SPINK6: variants seen among roughly 807,000 people sequenced by gnomAD.
The protein encoded by SPINK6 is serine peptidase inhibitor Kazal type 6.
Under a neutral mutation model 11.7 loss-of-function variants are expected in SPINK6, and 13 were observed. The ratio of observed to expected loss-of-function variants is 1.11; its 90% CI spans 0.72 to 1.76. The LOEUF (loss-of-function observed/expected upper bound fraction) is 1.76. Among genes scored for constraint, SPINK6 ranks in the 40% most tolerant of loss-of-function variants. The probability of loss-of-function intolerance (pLI) is 0.00; values close to 1 mark genes in which losing one functional copy is unlikely to be tolerated. For missense variants in SPINK6, 98 were observed against 93.7 expected (o/e 1.05, Z -0.19); for synonymous variants, 21 against 31.9 (o/e 0.66, Z 1.15).
chr5:148,206,937 T>C (rs1755506872), intron 2 of SPINK6, among the ~76,000 whole-genome samples: 1 of 152,166 alleles, frequency 6.6e-6, no homozygotes, highest in South Asian at 2.1e-4. Context: ...AACCCTGATA[T>C]ACCCACTGCA....
At chr5:148,209,993 T>TACGTATGTATGTATACATAC (rs1561732175) in intron 2 of SPINK6, among the ~76,000 whole-genome samples, 1 of 72,064 alleles carries the variant, frequency 1.4e-5, no homozygotes, top group African/African-American at 3.5e-5. Flanking sequence ...TGTATACATA[T>TACGTATGTATGTATACATAC]ACACGTATGT....
At position 148,203,067 on chromosome 5, in the gene SPINK6, A is replaced by T; in HGVS notation, c.-30A>T. On this transcript the variant is annotated 5_prime_UTR_variant, in exon 1 of 4. Transcript: ENST00000325630. ...ACAGAGAACCTCAGCTGGACAAAGC[A>T]GCCTTGATCTGAGTGAGCTAACTGA... 6.3e-7 allele frequency: 1 copy of T among 1,588,966 alleles called. No homozygotes were observed. Among genetic ancestry groups the T allele is most frequent in the Non-Finnish European group, 8.5e-7 (1 of 1,169,996 alleles).
intron 2 of SPINK6, among the ~76,000 whole-genome samples, chr5:148,213,684 AT>A (rs1360328800): frequency 1.3e-5 from 2 of 152,164 alleles, no homozygotes; most frequent in Non-Finnish European, 2.9e-5. Context: ...ATTCCTTGTA[AT>A]GAGTTTCCTG....
chr5:148,210,126 ATTTATTTCTG>A, intron 2 of SPINK6, among the ~76,000 whole-genome samples: 1 of 150,104 alleles, frequency 6.7e-6, no homozygotes, highest in Non-Finnish European at 1.5e-5. Context: ...GTATGTTTAC[ATTTATTTCTG>A]CATACATATG....
At chr5:148,212,482 A>T (rs1414126718) in intron 2 of SPINK6, among the ~76,000 whole-genome samples, 42 of 90,712 alleles carry the variant, frequency 4.6e-4, no homozygotes, top group African/African-American at 1.5e-3. Context: ...CATATTTTTT[A>T]TATATATATA....
At chr5:148,202,871 AT>A (rs1755449970), upstream of SPINK6, 2 of 398,838 alleles carry the variant, frequency 5.0e-6, no homozygotes, top group Non-Finnish European at 4.4e-6. Context: ...AGAAAATGAC[AT>A]TCTCTATTAA....
At chr5:148,203,026 T>C, upstream of SPINK6, 5 of 1,318,472 alleles carry the variant, frequency 3.8e-6, no homozygotes, top group Non-Finnish European at 5.3e-6. Context: ...TTTAGGGCTT[T>C]CTGGGAATTG....
At chr5:148,209,997 C>CATACACACGTACGTAT (rs1561732192) in intron 2 of SPINK6, among the ~76,000 whole-genome samples, 1 of 145,888 alleles carries the variant, frequency 6.9e-6, no homozygotes, top group Non-Finnish European at 1.5e-5. Context: ...TACATATACA[C>CATACACACGTACGTAT]GTATGTATAC....
At chr5:148,203,839 A>T (rs6865474) in intron 1 of SPINK6, among the ~76,000 whole-genome samples, 72,119 of 151,866 alleles carry the variant, frequency 0.47, 17,707 homozygotes, top group East Asian at 0.72. Flanking sequence ...ATGTTTTTTA[A>T]GACAGAACCA....
At chr5:148,203,554 A>C (rs868151901) in intron 1 of SPINK6, among the ~76,000 whole-genome samples, 6 of 152,324 alleles carry the variant, frequency 3.9e-5, no homozygotes, top group Middle Eastern at 3.4e-3. Context: ...GTTCCATAAA[A>C]CTAGATTGGA....
intron 2 of SPINK6, among the ~76,000 whole-genome samples, chr5:148,209,353 T>C (rs970420436): frequency 6.6e-6 from 1 of 152,224 alleles, no homozygotes; most frequent in African/African-American, 2.4e-5. Context: ...GGCTGCATAC[T>C]GTTTTTAATC....
rs1755458061 is a variant in SPINK6 at position 148,203,292 on chromosome 5, T to C, written c.58+138T>C. On this transcript the variant is annotated intron_variant, in intron 1 of 3. Coordinates refer to ENST00000325630, the MANE Select transcript of SPINK6 (RefSeq NM_205841.4). ...GAGATTATCATAATGATGATAATGATTGTGATGACGACAATGGTTATGGTA... is the reference window on the plus strand; with the variant it reads ...GAGATTATCATAATGATGATAATGACTGTGATGACGACAATGGTTATGGTA... 4 of 645,930 alleles carry C rather than the reference T, an allele frequency of 6.2e-6. No homozygotes were observed. The South Asian group carries it at 6.2e-5, about 10-fold the overall frequency. 40.0% of individuals were successfully genotyped at this position (645,930 alleles called of 1,614,324 possible).
intron 2 of SPINK6, among the ~76,000 whole-genome samples, chr5:148,210,151 TA>T (rs2113312970): frequency 6.0e-5 from 1 of 16,700 alleles, no homozygotes; most frequent in Non-Finnish European, 4.0e-4. Flanking sequence ...CATATGTATG[TA>T]TTTCTGCATG....
intron 2 of SPINK6, among the ~76,000 whole-genome samples, chr5:148,208,551 CA>C (rs1755529380): frequency 6.6e-6 from 1 of 152,110 alleles, no homozygotes. Flanking sequence ...TTATGGACTT[CA>C]AAAAATATCA....
At chr5:148,211,440 G>C (rs757753973) in intron 2 of SPINK6, among the ~76,000 whole-genome samples, 2 of 152,116 alleles carry the variant, frequency 1.3e-5, no homozygotes, top group Non-Finnish European at 2.9e-5. Context: ...GCATAGACCT[G>C]TAATAAGGTT....
chr5:148,210,294 A>ATC (rs1554112374), intron 2 of SPINK6, among the ~76,000 whole-genome samples: 1 of 8,118 alleles, frequency 1.2e-4, no homozygotes, highest in Admixed American at 1.6e-3. Flanking sequence ...ATATATATGT[A>ATC]TGTTTCTGCA....
At chr5:148,208,905 G>A (rs1179862467) in intron 2 of SPINK6, among the ~76,000 whole-genome samples, 3 of 152,148 alleles carry the variant, frequency 2.0e-5, no homozygotes, top group Non-Finnish European at 2.9e-5. Flanking sequence ...ATCAGGCTCT[G>A]TATTTGGGAA....
chr5:148,213,514 A>G (rs1461275976), intron 2 of SPINK6, among the ~76,000 whole-genome samples: 1 of 152,064 alleles, frequency 6.6e-6, no homozygotes, highest in Non-Finnish European at 1.5e-5. Flanking sequence ...ATGTTTTGAT[A>G]GCAATACAGG....
At chr5:148,211,745 A>C (rs141018567) in intron 2 of SPINK6, among the ~76,000 whole-genome samples, 219 of 152,232 alleles carry the variant, frequency 1.4e-3, no homozygotes, top group Middle Eastern at 3.4e-3. Context: ...TGTTCTATGG[A>C]AGTTTGTTCA....
Sources: gnomAD v4.1 joint callset for allele counts (sites outside exome capture counted in the v4.1 genomes callset) on GRCh38, gnomAD v4.1.1 for gene constraint, MANE v1.5 for transcripts, NCBI Gene and HGNC (gene_info 2026-07-23, HGNC 2026-07-21) for gene names.